The following WBP4 variants were observed in gnomAD, a reference collection of about 807,000 sequenced individuals.
WBP4 encodes WW domain-binding protein 4.
WBP4 carries 37 observed loss-of-function variants against 55.4 expected under a neutral mutation model. The ratio of observed to expected loss-of-function variants is 0.67; its 90% CI spans 0.51 to 0.88. The LOEUF is 0.88. Among genes scored for constraint, WBP4 ranks in the 40% least tolerant of loss-of-function variants. The probability of loss-of-function intolerance (pLI) is 0.00; values close to 1 mark genes in which losing one functional copy is unlikely to be tolerated. For missense variants in WBP4, 398 were observed against 420.8 expected (o/e 0.95, Z 0.47); for synonymous variants, 142 against 140.2 (o/e 1.01, Z -0.09).
At chr13:41,067,826 GT>G (rs1489400839) in intron 4 of WBP4, among the ~76,000 whole-genome samples, 5 of 151,800 alleles carry the variant, frequency 3.3e-5, no homozygotes, top group Non-Finnish European at 5.9e-5. Flanking sequence ...TCTTATATAT[GT>G]TTTTTCTTTT....
chr13:41,062,349 T>C (rs1000242875), intron 1 of WBP4: 4 of 921,586 alleles, frequency 4.3e-6, no homozygotes, highest in Non-Finnish European at 5.2e-6. Flanking sequence ...TAAATGTTCT[T>C]CTAAGATGTT....
chr13:41,062,044 G>A, intron 1 of WBP4: 1 of 983,408 alleles, frequency 1.0e-6, no homozygotes, highest in Non-Finnish European at 1.2e-6. Context: ...ACTAGGGCTG[G>A]GCTGCGGCCT....
intron 9 of WBP4, among the ~76,000 whole-genome samples, chr13:41,081,498 CA>C (rs555764002): frequency 0.39 from 31,906 of 81,146 alleles, 3,031 homozygotes; most frequent in Non-Finnish European, 0.46. Flanking sequence ...ACCTTGTCTC[CA>C]AAAAAAAAAA....
At chr13:41,067,374 A>C (rs1878021018) in intron 4 of WBP4, among the ~76,000 whole-genome samples, 1 of 152,254 alleles carries the variant, frequency 6.6e-6, no homozygotes, top group Non-Finnish European at 1.5e-5. Context: ...ATTTCTTTGA[A>C]TATTAGCAAA....
At chr13:41,065,627 A>G (rs1431255108) in intron 4 of WBP4, among the ~76,000 whole-genome samples, 1 of 152,198 alleles carries the variant, frequency 6.6e-6, no homozygotes, top group African/African-American at 2.4e-5. Context: ...ATTCATTTAA[A>G]AATAGGCCTT....
intron 9 of WBP4, 110 bp from the exon 10 acceptor site, chr13:41,082,594 C>A: frequency 1.1e-6 from 1 of 933,720 alleles, no homozygotes; most frequent in South Asian, 1.7e-5. Flanking sequence ...GTTCCTACTC[C>A]AAAATGAGCA....
Position 41,080,646 on chromosome 13 carries a change from GA to G in WBP4, c.764del (p.Asn255IlefsTer24). ...ETEKPKIKFK[E>X]KNKNSDGGSD... is the part of the protein sequence containing the mutation. ...TTATTTCTTGGCTTTTACATTTCAG[GA>G]AAAAAATAAAAATAGTGATGGAGGA... On this transcript the variant is annotated frameshift_variant and splice_region_variant, in exon 9 of 10. Coordinates refer to ENST00000379487, the MANE Select transcript of WBP4 (RefSeq NM_007187.5). LOFTEE classifies it high-confidence loss of function. 2 of 1,574,084 alleles carry G rather than the reference GA, an allele frequency of 1.3e-6. No individual in the cohort carries two copies. Among genetic ancestry groups the G allele is most frequent in the Admixed American group, 4.3e-5 (2 of 46,284 alleles).
chr13:41,069,726 AAAGT>A (rs1299871057), intron 5 of WBP4, among the ~76,000 whole-genome samples: 11 of 150,568 alleles, frequency 7.3e-5, no homozygotes, highest in East Asian at 1.9e-4. Flanking sequence ...AAAAAAAAAA[AAAGT>A]AGCCAAGCGA....
intron 2 of WBP4, 114 bp from the exon 3 acceptor site, chr13:41,064,902 T>A: frequency 5.1e-6 from 5 of 971,452 alleles, no homozygotes; most frequent in Non-Finnish European, 7.4e-6. Context: ...TTTCATCTTT[T>A]CTGCCATTCA....
intron 9 of WBP4, among the ~76,000 whole-genome samples, 189 bp from the exon 10 acceptor site, chr13:41,082,515 C>A (rs571366371): frequency 6.6e-6 from 1 of 152,156 alleles, no homozygotes; most frequent in South Asian, 2.1e-4. Context: ...AGAACTTCTC[C>A]CAGCATTTAT....
intron 8 of WBP4, among the ~76,000 whole-genome samples, chr13:41,077,303 A>C (rs574108795): frequency 9.0e-4 from 137 of 152,318 alleles, no homozygotes; most frequent in African/African-American, 3.2e-3. Context: ...GGCACAGAAG[A>C]AACATACCTC....
intron 8 of WBP4, among the ~76,000 whole-genome samples, chr13:41,079,899 A>G (rs1878688836): frequency 6.6e-6 from 1 of 152,240 alleles, no homozygotes; most frequent in African/African-American, 2.4e-5. Flanking sequence ...GCCATAAAAA[A>G]TGAAATGATA....
Position 41,062,730 on chromosome 13 carries a change from G to A in WBP4, c.75+14G>A, listed in dbSNP as rs1184672398. ...GACAATAGGCCTGTATGATAATTCC[G>A]CTGTTAGAGATTCTAATAATAATTG... is the stretch of plus-strand genomic sequence containing the variant. On this transcript the variant is annotated intron_variant, in intron 2 of 9. Transcript: ENST00000379487. 1.3e-6 allele frequency: 2 copies of A among 1,595,320 alleles called. No individual in the cohort carries two copies. Among genetic ancestry groups the A allele is most frequent in the Non-Finnish European group, 1.7e-6 (2 of 1,169,412 alleles).
intron 1 of WBP4, chr13:41,062,109 T>TG (rs1257985549): frequency 1.4e-5 from 14 of 966,264 alleles, no homozygotes; most frequent in Non-Finnish European, 9.7e-6. Context: ...TTTTTTTTTT[T>TG]TTTTTTTTTT....
intron 8 of WBP4, among the ~76,000 whole-genome samples, chr13:41,076,495 A>T (rs1395809377): frequency 6.6e-6 from 1 of 151,798 alleles, no homozygotes; most frequent in Non-Finnish European, 1.5e-5. Flanking sequence ...AATAACCAGG[A>T]TGGTCTTGAT....
At position 41,073,566 on chromosome 13, in the gene WBP4, G is replaced by T. The variant is rs534139267; in HGVS notation, c.562+709G>T. Among the ~76,000 whole-genome samples, 5 of 151,010 alleles carry T rather than the reference G, an allele frequency of 3.3e-5. No individual in the cohort carries two copies. The South Asian group carries it at 1.1e-3, about 32-fold the overall frequency. On this transcript the variant is annotated intron_variant, in intron 7 of 9. Transcript: ENST00000379487. Reference sequence around the variant, plus strand: ...GCGGTGGCTCACGCCTGTAATCTCAGCAGTTTGGAAGGCCAAGGCGGGCAG... The same window carrying T: ...GCGGTGGCTCACGCCTGTAATCTCATCAGTTTGGAAGGCCAAGGCGGGCAG...
chr13:41,063,437 T>C (rs574350669), intron 2 of WBP4, among the ~76,000 whole-genome samples: 5 of 152,206 alleles, frequency 3.3e-5, no homozygotes, highest in African/African-American at 1.2e-4. Flanking sequence ...TCTGTAGACA[T>C]TTATTTCCTG....
intron 9 of WBP4, among the ~76,000 whole-genome samples, chr13:41,082,011 T>A (rs1158134389): frequency 6.6e-6 from 1 of 152,158 alleles, no homozygotes; most frequent in Non-Finnish European, 1.5e-5. Context: ...CAGTTGACTA[T>A]CTAGGGAGTA....
chr13:41,073,739 A>G (rs947964223), intron 7 of WBP4, among the ~76,000 whole-genome samples: 6 of 151,814 alleles, frequency 4.0e-5, no homozygotes, highest in Admixed American at 3.9e-4. Context: ...CCCAGGAGGT[A>G]GAGGTTGCAG....
Sources: gnomAD v4.1 joint callset for allele counts (sites outside exome capture counted in the v4.1 genomes callset) on GRCh38, gnomAD v4.1.1 for gene constraint, MANE v1.5 for transcripts, NCBI Gene and HGNC (gene_info 2026-07-23, HGNC 2026-07-21) for gene names.